ADGRL3: variants seen among roughly 807,000 people sequenced by gnomAD.
The protein encoded by ADGRL3 is calcium-independent alpha-latrotoxin receptor 3.
A neutral mutation model predicts 153.5 loss-of-function variants in ADGRL3; 62 were observed. That is an observed-to-expected ratio of 0.40 (90% CI 0.33 to 0.50). ADGRL3 has a LOEUF of 0.50. Among genes scored for constraint, ADGRL3 ranks in the 20% least tolerant of loss-of-function variants. ADGRL3 has a pLI of 0.47. For missense variants in ADGRL3, 1,641 were observed against 1,859.4 expected, an observed-to-expected ratio of 0.88 and a Z score of 2.16; for synonymous variants, 710 against 672.5, an observed-to-expected ratio of 1.06 and a Z score of -0.86.
At position 61,516,271 on chromosome 4, in the gene ADGRL3, C is replaced by A. The variant is rs904977060; in HGVS notation, c.56-1044C>A. Among the ~76,000 whole-genome samples, 3 of 152,006 alleles carry A rather than the reference C, an allele frequency of 2.0e-5. No individual in the cohort carries two copies. In the East Asian group the frequency reaches 5.8e-4, roughly 29 times the overall value. On this transcript the variant is annotated intron_variant, in intron 3 of 26. Coordinates refer to ENST00000683033, the MANE Select transcript of ADGRL3 (RefSeq NM_001387552.1). ...GTGTTAGCAAGATGATCATAAAATT[C>A]TCTTGCATTATTGATTTTCTTAGTT...
At position 61,333,816 on chromosome 4, in the gene ADGRL3, A is replaced by G. The variant is rs551844320; in HGVS notation, c.-239-49308A>G. Among the ~76,000 whole-genome samples the G allele has an allele frequency of 9.6e-4, 146 of 151,720 alleles. 3 individuals are homozygous for G. The highest frequency in any genetic ancestry group is 6.8e-3 in the Middle Eastern group (2 of 292). On this transcript the variant is annotated intron_variant, in intron 1 of 26. Coordinates refer to ENST00000683033, the MANE Select transcript of ADGRL3 (RefSeq NM_001387552.1). The stretch of plus-strand genomic sequence containing the variant: ...TTTTTTGTAAAGAGGGAGGCTCACT[A>G]TGTTGCCCAGGCTGGTCTCAAACTC...
chr4:61,822,034 A>T (rs2097760604), intron 9 of ADGRL3, among the ~76,000 whole-genome samples: 1 of 152,210 alleles, frequency 6.6e-6, no homozygotes, highest in South Asian at 2.1e-4. Context: ...TCTGCAGGCC[A>T]GTTCTCTAAT....
chr4:61,461,198 A>T (rs183503045), intron 2 of ADGRL3, among the ~76,000 whole-genome samples: 115 of 152,278 alleles, frequency 7.6e-4, no homozygotes, highest in Admixed American at 4.1e-3. Flanking sequence ...ATACGTGGGA[A>T]TTATGGGAGC....
chr4:61,620,181 C>T (rs1398438466), intron 5 of ADGRL3, among the ~76,000 whole-genome samples: 2 of 151,874 alleles, frequency 1.3e-5, no homozygotes, highest in Non-Finnish European at 2.9e-5. Flanking sequence ...ACTCATATAA[C>T]TAATTTCTCT....
intron 9 of ADGRL3, among the ~76,000 whole-genome samples, chr4:61,865,637 A>T (rs2149326804): frequency 6.6e-6 from 1 of 152,288 alleles, no homozygotes; most frequent in South Asian, 2.1e-4. Flanking sequence ...ATTTAAAGTA[A>T]GTTTCTTCAC....
intron 25 of ADGRL3, among the ~76,000 whole-genome samples, chr4:62,062,189 T>A (rs1740597116): frequency 6.6e-6 from 1 of 152,056 alleles, no homozygotes; most frequent in Non-Finnish European, 1.5e-5. Context: ...CCTGTATTTC[T>A]CTAAGGCCAA....
At chr4:61,296,416 C>T (rs996439337) in intron 1 of ADGRL3, among the ~76,000 whole-genome samples, 2 of 152,066 alleles carry the variant, frequency 1.3e-5, no homozygotes, top group African/African-American at 4.8e-5. Flanking sequence ...GTCTGCAAAC[C>T]TAGGCATAAG....
At chr4:61,324,415 G>GCCTGATTTTTCCTGCTTTTCT (rs1415626985) in intron 1 of ADGRL3, among the ~76,000 whole-genome samples, 74 of 152,184 alleles carry the variant, frequency 4.9e-4, no homozygotes, top group African/African-American at 1.7e-3. Context: ...TTGAATGAGA[G>GCCTGATTTTTCCTGCTTTTCT]CCTGATTTTT....
At chr4:61,352,667 G>A (rs2096073886) in intron 1 of ADGRL3, among the ~76,000 whole-genome samples, 1 of 152,104 alleles carries the variant, frequency 6.6e-6, no homozygotes, top group Admixed American at 6.5e-5. Context: ...TTACAGGTGT[G>A]AGCCACTGTG....
chr4:61,655,602 G>C (rs2094422692), intron 5 of ADGRL3, among the ~76,000 whole-genome samples: 1 of 152,102 alleles, frequency 6.6e-6, no homozygotes, highest in Admixed American at 6.6e-5. Context: ...CGTCTTTCTT[G>C]TTTAGCATTT....
At chr4:61,639,411 A>T (rs1323709622) in intron 5 of ADGRL3, among the ~76,000 whole-genome samples, 3 of 152,172 alleles carry the variant, frequency 2.0e-5, no homozygotes, top group African/African-American at 7.2e-5. Flanking sequence ...TTTGAAAAAA[A>T]CTATCTCCCA....
At chr4:61,772,715 G>GTA (rs1239490978) in intron 8 of ADGRL3, among the ~76,000 whole-genome samples, 5 of 152,052 alleles carry the variant, frequency 3.3e-5, no homozygotes, top group Non-Finnish European at 7.4e-5. Context: ...TTTCCACTGG[G>GTA]TATATGAAGG....
At chr4:61,308,157 C>T (rs2094868275) in intron 1 of ADGRL3, among the ~76,000 whole-genome samples, 1 of 152,168 alleles carries the variant, frequency 6.6e-6, no homozygotes, top group Non-Finnish European at 1.5e-5. Context: ...AGAAGGGCCT[C>T]ACCCTGGAGG....
At chr4:61,703,912 C>G (rs1398261714) in intron 6 of ADGRL3, among the ~76,000 whole-genome samples, 1 of 151,460 alleles carries the variant, frequency 6.6e-6, no homozygotes, top group South Asian at 2.1e-4. Context: ...AGATGAGGAA[C>G]AGTATCTGTT....
At chr4:61,989,776 C>T (rs761697375) in intron 19 of ADGRL3, among the ~76,000 whole-genome samples, 2 of 151,896 alleles carry the variant, frequency 1.3e-5, no homozygotes, top group African/African-American at 4.8e-5. Flanking sequence ...GACCTGAGTT[C>T]CTATTGGTAC....
intron 2 of ADGRL3, among the ~76,000 whole-genome samples, chr4:61,437,239 G>T (rs982888682): frequency 6.6e-6 from 1 of 152,012 alleles, no homozygotes; most frequent in Non-Finnish European, 1.5e-5. Context: ...TTGGAAAGTT[G>T]ATTAAACTCC....
At chr4:61,266,044 A>T (rs983155948) in intron 1 of ADGRL3, among the ~76,000 whole-genome samples, 3 of 151,858 alleles carry the variant, frequency 2.0e-5, no homozygotes, top group Non-Finnish European at 2.9e-5. Flanking sequence ...ACAGGATGTG[A>T]TAACTTGATA....
chr4:61,688,910 C>T (rs75737225), intron 6 of ADGRL3, among the ~76,000 whole-genome samples: 35 of 152,260 alleles, frequency 2.3e-4, no homozygotes, highest in Non-Finnish European at 4.7e-4. Context: ...CTTTCTTTAA[C>T]CCCAGGTGAT....
At chr4:61,750,009 T>C (rs932209125) in intron 8 of ADGRL3, among the ~76,000 whole-genome samples, 2 of 152,112 alleles carry the variant, frequency 1.3e-5, no homozygotes, top group African/African-American at 4.8e-5. Flanking sequence ...TGATTCTTTT[T>C]TTATTCCTTT....
Sources: allele counts gnomAD v4.1 joint callset (sites outside exome capture counted in the v4.1 genomes callset), GRCh38; gene constraint gnomAD v4.1.1; transcripts MANE v1.5; gene names NCBI Gene and HGNC (gene_info 2026-07-23, HGNC 2026-07-21).